Variants in KCNC2 observed in about 807,000 individuals in gnomAD.
KCNC2 encodes the protein voltage-gated potassium channel KCNC2.
A neutral mutation model predicts 44.5 loss-of-function variants in KCNC2; 21 were observed. The observed-to-expected ratio is 0.47, with a 90% CI of 0.33 to 0.68. The LOEUF is 0.68. Ranked by LOEUF, KCNC2 falls within the 30% of genes least tolerant of loss-of-function variation. The pLI is 0.01. For synonymous variants in KCNC2, 391 were observed against 339.1 expected (o/e 1.15, Z -1.68); for missense variants, 589 against 826.2 (o/e 0.71, Z 3.52).
At chr12:75,184,680 A>C (rs1892815147) in intron 2 of KCNC2, among the ~76,000 whole-genome samples, 1 of 152,070 alleles carries the variant, frequency 6.6e-6, no homozygotes. Context: ...TTCTTTTCTG[A>C]ATTAAGGAAA....
intron 2 of KCNC2, among the ~76,000 whole-genome samples, chr12:75,131,012 CAT>C (rs1168444956): frequency 1.3e-5 from 2 of 152,048 alleles, no homozygotes; most frequent in Non-Finnish European, 2.9e-5. Flanking sequence ...CTAGAATAAA[CAT>C]ATGTTGAGAA....
chr12:75,177,522 G>C (rs1892274588), intron 2 of KCNC2, among the ~76,000 whole-genome samples: 1 of 151,744 alleles, frequency 6.6e-6, no homozygotes, highest in Non-Finnish European at 1.5e-5. Context: ...GAGGATAAAG[G>C]AGCTGTTAGA....
At chr12:75,159,087 G>A (rs1890949081) in intron 2 of KCNC2, among the ~76,000 whole-genome samples, 1 of 149,452 alleles carries the variant, frequency 6.7e-6, no homozygotes, top group African/African-American at 2.5e-5. Flanking sequence ...ATGGACACAG[G>A]GAGGGGAACA....
At chr12:75,062,543 TA>T (rs2136996529) in intron 2 of KCNC2, among the ~76,000 whole-genome samples, 1 of 152,218 alleles carries the variant, frequency 6.6e-6, no homozygotes, top group Non-Finnish European at 1.5e-5. Flanking sequence ...AAAATGTGTT[TA>T]TTATTTGAAT....
intron 2 of KCNC2, among the ~76,000 whole-genome samples, chr12:75,082,277 A>G (rs1884584533): frequency 6.6e-6 from 1 of 151,916 alleles, no homozygotes; most frequent in South Asian, 2.1e-4. Flanking sequence ...AAAATTCATG[A>G]AGTAATAATA....
chr12:75,105,909 T>C (rs1233469001), intron 2 of KCNC2, among the ~76,000 whole-genome samples: 1 of 146,956 alleles, frequency 6.8e-6, no homozygotes. Context: ...AGAGATAAAT[T>C]TCTTTCTTTT....
chr12:75,204,736 G>T (rs972831558), intron 2 of KCNC2, among the ~76,000 whole-genome samples: 1 of 152,010 alleles, frequency 6.6e-6, no homozygotes. Flanking sequence ...GTCAGATAAC[G>T]TTGTCAGGTT....
In KCNC2 at chr12:75,115,409, A is replaced by T. The variant is rs188307851; in HGVS notation, c.688-64092T>A. On this transcript the variant is annotated intron_variant, in intron 2 of 4. Transcript: ENST00000549446. The stretch of plus-strand genomic sequence containing the variant: ...TCTGAGAGATGCTGATCATACATCT[A>T]TTAAATGGCAAATCCAAAATCTGTA... 8.7e-3 allele frequency among the ~76,000 whole-genome samples: 1,327 copies of T among 152,358 alleles called. 15 individuals are homozygous for T. Among genetic ancestry groups the T allele is most frequent in the African/African-American group, 0.03 (1,247 of 41,584 alleles).
intron 2 of KCNC2, among the ~76,000 whole-genome samples, chr12:75,182,899 G>A (rs758386853): frequency 2.2e-4 from 33 of 152,172 alleles, no homozygotes; most frequent in Non-Finnish European, 4.4e-4. Context: ...TGGAATTGAG[G>A]ACAAGAGATT....
chr12:75,193,222 G>A (rs891002933), intron 2 of KCNC2, among the ~76,000 whole-genome samples: 1 of 152,114 alleles, frequency 6.6e-6, no homozygotes, highest in African/African-American at 2.4e-5. Flanking sequence ...ATTTAAAATG[G>A]TGAAAAATAA....
Position 75,207,438 on chromosome 12 carries a change from G to C in KCNC2, c.546C>G (p.Asp182Glu), listed in dbSNP as rs1001514271. Reference protein sequence around the residue: ...PDLIGGDPGDDEDLAAKRLGI... With the variant: ...PDLIGGDPGDEEDLAAKRLGI... ...CCAGCCTCTTGGCCGCCAGGTCCTCGTCGTCGCCGGGGTCGCCGCCAATGA... is the reference window on the plus strand; with the variant it reads ...CCAGCCTCTTGGCCGCCAGGTCCTCCTCGTCGCCGGGGTCGCCGCCAATGA... Residue 182 changes from aspartate to glutamate, a missense_variant, in exon 2 of 5, where the codon GAC (aspartate) becomes GAG (glutamate). By Grantham distance (45) the Asp-to-Glu change is conservative. Coordinates refer to ENST00000549446, the MANE Select transcript of KCNC2 (RefSeq NM_139137.4). This position sits in a 1 kb window ranked among gnomAD's most constrained non-coding sequence, Gnocchi z 4.1. The C allele has an allele frequency of 6.2e-7, 1 of 1,608,486 alleles. No individual in the cohort carries two copies. The highest frequency in any genetic ancestry group is 1.3e-5 in the African/African-American group (1 of 74,876).
chr12:75,114,538 G>A (rs973776899), intron 2 of KCNC2, among the ~76,000 whole-genome samples: 9 of 152,116 alleles, frequency 5.9e-5, no homozygotes, highest in African/African-American at 2.2e-4. Flanking sequence ...ATGTTCTGCT[G>A]CTACGAGTAA....
At chr12:75,094,097 T>C (rs968497079) in intron 2 of KCNC2, among the ~76,000 whole-genome samples, 3 of 151,762 alleles carry the variant, frequency 2.0e-5, no homozygotes, top group African/African-American at 4.8e-5. Context: ...GTATTAGACC[T>C]GCACATTTAG....
intron 2 of KCNC2, among the ~76,000 whole-genome samples, chr12:75,173,999 T>G (rs1892007001): frequency 6.6e-6 from 1 of 151,890 alleles, no homozygotes; most frequent in Non-Finnish European, 1.5e-5. Context: ...GCATGTCATT[T>G]CTTCATCTTC....
rs1008547644 is a variant in KCNC2, at chr12:75,188,730, C to A, written c.687+18567G>T. On this transcript the variant is annotated intron_variant, in intron 2 of 4. Transcript: ENST00000549446. ...AAAAAATTAGCTGGGCATGGTGGTG[C>A]GTGCCTGTAATCCCAGCTACTCGGG... Among the ~76,000 whole-genome samples the A allele has an allele frequency of 2.6e-5, 4 of 151,186 alleles. No homozygotes were observed. The South Asian group carries it at 8.4e-4, about 32-fold the overall frequency.
At chr12:75,130,258 A>G (rs1186411032) in intron 2 of KCNC2, among the ~76,000 whole-genome samples, 1 of 152,126 alleles carries the variant, frequency 6.6e-6, no homozygotes, top group African/African-American at 2.4e-5. Context: ...ATCTCTTTCA[A>G]TTCTTCATCC....
intron 2 of KCNC2, among the ~76,000 whole-genome samples, chr12:75,064,890 G>A (rs1048290298): frequency 2.6e-5 from 4 of 151,824 alleles, no homozygotes; most frequent in Non-Finnish European, 4.4e-5. Flanking sequence ...AAGAAAAATC[G>A]TTTAGTATGC....
At chr12:75,109,033 A>G (rs1887012707) in intron 2 of KCNC2, among the ~76,000 whole-genome samples, 1 of 152,184 alleles carries the variant, frequency 6.6e-6, no homozygotes, top group African/African-American at 2.4e-5. Context: ...TGGAATCAAA[A>G]TCTTAGACAT....
At chr12:75,069,258 C>T (rs946964935) in intron 2 of KCNC2, among the ~76,000 whole-genome samples, 1 of 149,516 alleles carries the variant, frequency 6.7e-6, no homozygotes, top group Admixed American at 6.8e-5. Flanking sequence ...CCTCAGCTTC[C>T]CAAGTAGCTG....
Sources: gnomAD v4.1 joint callset for allele counts (sites outside exome capture counted in the v4.1 genomes callset) on GRCh38, gnomAD v4.1.1 for gene constraint, Gnocchi (gnomAD v3.1) non-coding constraint, MANE v1.5 for transcripts, NCBI Gene and HGNC (gene_info 2026-07-23, HGNC 2026-07-21) for gene names.